ADGRB3: variants seen among roughly 807,000 people sequenced by gnomAD.
ADGRB3 encodes brain-specific angiogenesis inhibitor 3.
In ADGRB3, 37 loss-of-function variants were observed where a neutral mutation model predicts 193.4. That is an observed-to-expected ratio of 0.19 (90% CI 0.15 to 0.25). ADGRB3 has a LOEUF of 0.25. Ranked by LOEUF, ADGRB3 falls within the 10% of genes least tolerant of loss-of-function variation. The pLI, the probability that ADGRB3 is intolerant of heterozygous loss-of-function variation, is 1.00. For synonymous variants in ADGRB3, 690 were observed against 644.2 expected, an observed-to-expected ratio of 1.07 and a Z score of -1.08; for missense variants, 1,637 against 1,852.9, an observed-to-expected ratio of 0.88 and a Z score of 2.14.
At chr6:68,645,391 C>T (rs937057741) in intron 3 of ADGRB3, among the ~76,000 whole-genome samples, 3 of 152,072 alleles carry the variant, frequency 2.0e-5, no homozygotes, top group African/African-American at 7.2e-5. Context: ...CAGTTCCTGT[C>T]AGTGCCTGTG....
At chr6:68,692,186 C>T (rs1458875243) in intron 3 of ADGRB3, among the ~76,000 whole-genome samples, 1 of 151,752 alleles carries the variant, frequency 6.6e-6, no homozygotes, top group Non-Finnish European at 1.5e-5. Context: ...TTAGGATAAA[C>T]ATTTTCTAAC....
intron 17 of ADGRB3, among the ~76,000 whole-genome samples, chr6:69,200,502 T>A (rs1012003493): frequency 6.6e-6 from 1 of 152,126 alleles, no homozygotes; most frequent in Non-Finnish European, 1.5e-5. Flanking sequence ...TCATGACACC[T>A]GAGACAAAAT....
chr6:69,305,786 T>G (rs1316697495), intron 20 of ADGRB3, among the ~76,000 whole-genome samples: 1 of 151,358 alleles, frequency 6.6e-6, no homozygotes, highest in Non-Finnish European at 1.5e-5. Context: ...CCTCGAATAT[T>G]CTATTATCAT....
chr6:69,186,927 T>C (rs1302795898), intron 17 of ADGRB3, among the ~76,000 whole-genome samples: 1 of 138,170 alleles, frequency 7.2e-6, no homozygotes, highest in Non-Finnish European at 1.6e-5. Flanking sequence ...CATAGCAAGG[T>C]TTTTTTTTTG....
intron 13 of ADGRB3, among the ~76,000 whole-genome samples, chr6:69,033,782 C>A (rs2150294846): frequency 6.6e-6 from 1 of 151,938 alleles, no homozygotes; most frequent in South Asian, 2.1e-4. Flanking sequence ...AGTTAGGTGG[C>A]TTTTTTCAAA....
intron 3 of ADGRB3, among the ~76,000 whole-genome samples, chr6:68,909,209 A>C (rs1008546679): frequency 2.6e-5 from 4 of 152,182 alleles, no homozygotes; most frequent in African/African-American, 9.7e-5. Flanking sequence ...TAATGTTACT[A>C]ATAATTTTTT....
intron 15 of ADGRB3, among the ~76,000 whole-genome samples, chr6:69,055,082 A>G (rs1228163737): frequency 6.6e-6 from 1 of 152,126 alleles, no homozygotes; most frequent in Non-Finnish European, 1.5e-5. Context: ...GCAATACTGT[A>G]TGTGTGCTAT....
intron 29 of ADGRB3, among the ~76,000 whole-genome samples, chr6:69,361,919 A>C (rs1415247015): frequency 1.3e-5 from 2 of 151,692 alleles, no homozygotes; most frequent in Non-Finnish European, 2.9e-5. Context: ...GGCATTACAA[A>C]CTTAAACTGA....
Position 68,866,292 on chromosome 6 carries a change from G to C in ADGRB3, c.758-64267G>C, listed in dbSNP as rs117880126. On this transcript the variant is annotated intron_variant, in intron 3 of 31. Coordinates refer to ENST00000370598, the MANE Select transcript of ADGRB3 (RefSeq NM_001704.3). ...AGTGAGTTCTCAATGAGATATGATG[G>C]TTCAAAAGTGTGTGGCAATTCCCCC... 8.8e-3 allele frequency among the ~76,000 whole-genome samples: 1,342 copies of C among 152,224 alleles called. 12 individuals are homozygous for C. The highest frequency in any genetic ancestry group is 0.013 in the Non-Finnish European group (855 of 68,016).
In ADGRB3 at chr6:69,361,448, T is replaced by C; in HGVS notation, c.4175T>C (p.Leu1392Ser). Residue 1392 changes from leucine to serine, a missense_variant, in exon 29 of 32, where the codon TTG (leucine) becomes TCG (serine). Physicochemically the swap from Leu to Ser is moderately radical, Grantham distance 145. Around this residue, in one of 7 missense-constraint regions of ADGRB3, gnomAD observed 368 missense variants for 367.4 expected, o/e 1.00. Transcript: ENST00000370598. ...TAVKNFMASE[L>S]DDNAGLSRSE... ...GTGAAGAATTTCATGGCCTCTGAGTTGGATGATAATGCAGGACTATCAAGA... is the reference window on the plus strand; with the variant it reads ...GTGAAGAATTTCATGGCCTCTGAGTCGGATGATAATGCAGGACTATCAAGA... 1.2e-6 allele frequency: 2 copies of C among 1,612,844 alleles called. No homozygotes were observed. The highest frequency in any genetic ancestry group is 1.7e-6 in the Non-Finnish European group (2 of 1,179,122).
At chr6:68,883,460 T>C (rs1369807196) in intron 3 of ADGRB3, among the ~76,000 whole-genome samples, 1 of 152,182 alleles carries the variant, frequency 6.6e-6, no homozygotes, top group Non-Finnish European at 1.5e-5. Context: ...TATTTGCTCT[T>C]TGCAATAAAT....
intron 6 of ADGRB3, among the ~76,000 whole-genome samples, chr6:68,950,209 A>G (rs1165522439): frequency 1.3e-5 from 2 of 152,014 alleles, no homozygotes; most frequent in African/African-American, 4.8e-5. Context: ...GCGCAATACC[A>G]TACCCAACTA....
At chr6:68,764,633 C>T (rs1388150423) in intron 3 of ADGRB3, among the ~76,000 whole-genome samples, 1 of 152,158 alleles carries the variant, frequency 6.6e-6, no homozygotes, top group East Asian at 1.9e-4. Flanking sequence ...GAGAGTTTCA[C>T]AGGAAGTGTG....
At chr6:69,196,772 G>A (rs916010923) in intron 17 of ADGRB3, among the ~76,000 whole-genome samples, 17 of 152,072 alleles carry the variant, frequency 1.1e-4, no homozygotes, top group African/African-American at 3.9e-4. Flanking sequence ...AGAGAGCAGA[G>A]CAAGTAAGGT....
intron 3 of ADGRB3, among the ~76,000 whole-genome samples, chr6:68,824,996 AG>A (rs926267651): frequency 1.3e-5 from 2 of 151,998 alleles, no homozygotes; most frequent in African/African-American, 4.8e-5. Flanking sequence ...CTGGGACTTC[AG>A]GTGCATGCCA....
At chr6:69,145,825 A>G (rs192641983) in intron 17 of ADGRB3, among the ~76,000 whole-genome samples, 299 of 151,866 alleles carry the variant, frequency 2.0e-3, no homozygotes, top group Non-Finnish European at 2.9e-3. Context: ...AGCAGAGAGG[A>G]GACCCTGGAG....
At chr6:68,854,385 G>A (rs981391138) in intron 3 of ADGRB3, among the ~76,000 whole-genome samples, 3 of 152,102 alleles carry the variant, frequency 2.0e-5, no homozygotes, top group Non-Finnish European at 2.9e-5. Flanking sequence ...GAAGGTGGAT[G>A]TATTCTCGCC....
intron 3 of ADGRB3, among the ~76,000 whole-genome samples, chr6:68,651,677 G>A (rs996023697): frequency 6.6e-6 from 1 of 152,070 alleles, no homozygotes. Context: ...CCCCTTAGCA[G>A]TGGAACCTTT....
chr6:69,082,190 A>G (rs1293270412), intron 17 of ADGRB3, among the ~76,000 whole-genome samples: 1 of 152,090 alleles, frequency 6.6e-6, no homozygotes, highest in Non-Finnish European at 1.5e-5. Context: ...TAGAAAAAAA[A>G]ATTGCCAGCC....
Sources: allele counts gnomAD v4.1 joint callset (sites outside exome capture counted in the v4.1 genomes callset), GRCh38; gene constraint gnomAD v4.1.1; regional missense constraint gnomAD v4.1.1; transcripts MANE v1.5; gene names NCBI Gene and HGNC (gene_info 2026-07-23, HGNC 2026-07-21).